The following GRB10 variants were observed in gnomAD, a reference collection of about 807,000 sequenced individuals.
GRB10 encodes growth factor receptor bound protein 10.
A neutral mutation model predicts 80.9 loss-of-function variants in GRB10; 20 were observed. That is an observed-to-expected ratio of 0.25 (90% confidence interval 0.17 to 0.36). The LOEUF (loss-of-function observed/expected upper bound fraction) is 0.36. GRB10 is among the 10% of genes least tolerant of loss of function. The pLI is 1.00. For synonymous variants in GRB10, 291 were observed against 291.5 expected, an observed-to-expected ratio of 1.00 and a Z score of 0.02; for missense variants, 548 against 747.7, an observed-to-expected ratio of 0.73 and a Z score of 3.12.
chr7:50,653,881 C>T (rs904507051), intron 7 of GRB10, among the ~76,000 whole-genome samples: 1 of 152,228 alleles, frequency 6.6e-6, no homozygotes, highest in African/African-American at 2.4e-5. Context: ...ATAACAAGAT[C>T]TTCCTCTTGA....
At chr7:50,678,284 A>G (rs1294448469) in intron 5 of GRB10, among the ~76,000 whole-genome samples, 2 of 152,248 alleles carry the variant, frequency 1.3e-5, no homozygotes, top group East Asian at 3.8e-4. Context: ...TCTGAGGTGG[A>G]TTATTTGTAC....
At chr7:50,729,656 T>G (rs942215221) in intron 4 of GRB10, among the ~76,000 whole-genome samples, 1 of 152,096 alleles carries the variant, frequency 6.6e-6, no homozygotes, top group Non-Finnish European at 1.5e-5. Context: ...AATGAGGAAA[T>G]TTCTTGCTTC....
intron 2 of GRB10, among the ~76,000 whole-genome samples, chr7:50,775,850 C>T (rs1347423124): frequency 6.6e-6 from 1 of 152,200 alleles, no homozygotes; most frequent in African/African-American, 2.4e-5. Flanking sequence ...GAACTAGCTG[C>T]ACTTGAGCCC....
intron 5 of GRB10, among the ~76,000 whole-genome samples, chr7:50,697,901 C>A (rs911460910): frequency 1.3e-5 from 2 of 152,250 alleles, no homozygotes; most frequent in African/African-American, 2.4e-5. Flanking sequence ...TCTGCACAGA[C>A]TCACAGGGCT....
chr7:50,590,582 T>C lies in GRB10; in HGVS notation c.*2370A>G, dbSNP rs1447889453. 1.3e-5 allele frequency: 2 copies of C among 152,666 alleles called. No individual in the cohort carries two copies. The highest frequency in any genetic ancestry group is 6.5e-5 in the Admixed American group (1 of 15,276). 9.5% of individuals were successfully genotyped at this position (152,666 alleles called of 1,614,324 possible). A position where few individuals can be genotyped will look rare whatever the true frequency, so the allele number is the denominator to read the frequency against. On this transcript the variant is annotated 3_prime_UTR_variant, in exon 19 of 19. Transcript: ENST00000401949. ...TAGAAAAGAAAATCACAGGCAGAGA[T>C]ACAAAGTCAACAGGCTCCAAAACAA...
chr7:50,638,915 G>A (rs1472676152), intron 7 of GRB10, among the ~76,000 whole-genome samples: 1 of 152,202 alleles, frequency 6.6e-6, no homozygotes, highest in African/African-American at 2.4e-5. Context: ...TCATAAAAAA[G>A]AATGAAATCA....
intron 2 of GRB10, among the ~76,000 whole-genome samples, chr7:50,778,136 C>T (rs867541058): frequency 6.6e-6 from 1 of 152,166 alleles, no homozygotes; most frequent in Non-Finnish European, 1.5e-5. Context: ...AACTCCACCC[C>T]GACCCCCCAA....
Position 50,612,807 on chromosome 7 carries a change from C to T in GRB10, c.1128G>A (p.Leu376=), listed in dbSNP as rs761111102. Residue 376 remains leucine (L), a synonymous_variant, in exon 13 of 19, where the codon CTG becomes CTA. Coordinates refer to ENST00000401949, the MANE Select transcript of GRB10 (RefSeq NM_001350814.2). ...GCTCGTCCTCTGCACAGAGCAACCT[C>T]AGCTCTTTAGTTTCATTCCTGACTT... The part of the protein sequence containing the change: ...PNKVRNETKE[L]RLLCAEDEQT... 1.2e-6 allele frequency: 2 copies of T among 1,614,060 alleles called. No individual in the cohort carries two copies. The highest frequency in any genetic ancestry group is 4.5e-5 in the East Asian group (2 of 44,886).
At chr7:50,665,129 C>G (rs777911573) in intron 7 of GRB10, among the ~76,000 whole-genome samples, 5 of 152,246 alleles carry the variant, frequency 3.3e-5, no homozygotes, top group Admixed American at 1.3e-4. Flanking sequence ...GCTGTCACCT[C>G]TAACAGACAC....
chr7:50,670,568 C>T (rs2529412), intron 6 of GRB10, among the ~76,000 whole-genome samples: 78,782 of 151,110 alleles, frequency 0.52, 20,810 homozygotes, highest in Admixed American at 0.57. Context: ...GTCCTGGGTG[C>T]GTGCTCATCT....
chr7:50,668,902 T>C (rs951478950), intron 7 of GRB10, among the ~76,000 whole-genome samples: 45 of 152,374 alleles, frequency 3.0e-4, no homozygotes, highest in African/African-American at 1.1e-3. Context: ...GGTTGTGTCC[T>C]ATCTACTTCA....
At chr7:50,631,321 A>G (rs950487731) in intron 7 of GRB10, among the ~76,000 whole-genome samples, 5 of 152,060 alleles carry the variant, frequency 3.3e-5, no homozygotes, top group African/African-American at 1.2e-4. Context: ...CCTCTGCAGC[A>G]TAAGATGTCC....
At chr7:50,675,702 C>T (rs1341725349) in intron 5 of GRB10, among the ~76,000 whole-genome samples, 1 of 152,162 alleles carries the variant, frequency 6.6e-6, no homozygotes. Flanking sequence ...TCCACAGTGT[C>T]ATGAGCCAAT....
chr7:50,705,884 C>A (rs1361750656), intron 4 of GRB10, among the ~76,000 whole-genome samples: 1 of 152,240 alleles, frequency 6.6e-6, no homozygotes, highest in East Asian at 1.9e-4. Flanking sequence ...CCAAGAACCT[C>A]CGCAACAGGC....
intron 10 of GRB10, among the ~76,000 whole-genome samples, chr7:50,617,482 T>C (rs2050863151): frequency 1.3e-5 from 2 of 152,228 alleles, no homozygotes; most frequent in South Asian, 4.1e-4. Flanking sequence ...GAGGAGTGTG[T>C]GTGAGAGCTG....
chr7:50,760,936 C>A (rs576314233), intron 2 of GRB10, among the ~76,000 whole-genome samples: 23 of 152,338 alleles, frequency 1.5e-4, no homozygotes, highest in African/African-American at 5.5e-4. Flanking sequence ...AACCTATTAC[C>A]TGTCAGAATC....
intron 7 of GRB10, among the ~76,000 whole-genome samples, chr7:50,649,926 A>G (rs887527462): frequency 3.3e-5 from 5 of 152,198 alleles, no homozygotes. Context: ...TAGAGACCCA[A>G]GTGAAGACGG....
intron 7 of GRB10, among the ~76,000 whole-genome samples, chr7:50,655,991 T>C (rs2058606342): frequency 6.6e-6 from 1 of 152,196 alleles, no homozygotes. Context: ...TAGCATTGGT[T>C]TCTCTCACTG....
At chr7:50,676,339 G>A (rs985534469) in intron 5 of GRB10, among the ~76,000 whole-genome samples, 4 of 138,302 alleles carry the variant, frequency 2.9e-5, no homozygotes, top group Admixed American at 7.0e-5. Flanking sequence ...CCCCACCGGG[G>A]GGGGGGGGGG....
Sources: gnomAD v4.1 joint callset for allele counts (sites outside exome capture counted in the v4.1 genomes callset) on GRCh38, gnomAD v4.1.1 for gene constraint, MANE v1.5 for transcripts, NCBI Gene and HGNC (gene_info 2026-07-23, HGNC 2026-07-21) for gene names.